The following ASIC2 variants were observed in gnomAD, a reference collection of about 807,000 sequenced individuals.
ASIC2 encodes the protein acid sensing ion channel subunit 2.
A neutral mutation model predicts 57.3 loss-of-function variants in ASIC2; 25 were observed. The ratio of observed to expected loss-of-function variants is 0.44; its 90% CI spans 0.32 to 0.61. ASIC2 has a LOEUF of 0.61. Ranked by LOEUF, ASIC2 falls within the 20% of genes least tolerant of loss-of-function variation. The pLI, the probability that ASIC2 is intolerant of heterozygous loss-of-function variation, is 0.06. For missense variants in ASIC2, 641 were observed against 738.1 expected, an observed-to-expected ratio of 0.87 and a Z score of 1.52; for synonymous variants, 319 against 307.5, an observed-to-expected ratio of 1.04 and a Z score of -0.39.
At chr17:33,091,402 A>G (rs2092157089) in intron 2 of ASIC2, among the ~76,000 whole-genome samples, 1 of 152,142 alleles carries the variant, frequency 6.6e-6, no homozygotes, top group South Asian at 2.1e-4. Context: ...GAGCCGTGGG[A>G]GGGAACAGGA....
intron 1 of ASIC2, among the ~76,000 whole-genome samples, chr17:33,424,984 A>T (rs1478248580): frequency 6.6e-6 from 1 of 152,212 alleles, no homozygotes; most frequent in African/African-American, 2.4e-5. Context: ...GAATAGGGAG[A>T]GGAAATGCAC....
chr17:33,062,840 G>C (rs1026351261), intron 3 of ASIC2, among the ~76,000 whole-genome samples: 6 of 146,080 alleles, frequency 4.1e-5, no homozygotes, highest in Non-Finnish European at 7.7e-5. Context: ...ATGAATCTGG[G>C]TGCTCCTGTA....
chr17:33,646,779 G>C (rs1369476118), intron 1 of ASIC2, among the ~76,000 whole-genome samples: 9 of 152,100 alleles, frequency 5.9e-5, no homozygotes, highest in Non-Finnish European at 1.2e-4. Context: ...GATGCAAGGG[G>C]CAAAAAGAGT....
At chr17:33,758,148 C>G (rs544942745) in intron 1 of ASIC2, among the ~76,000 whole-genome samples, 1 of 152,148 alleles carries the variant, frequency 6.6e-6, no homozygotes, top group East Asian at 1.9e-4. Context: ...GCAATAATAA[C>G]CAAAATTCAT....
intron 1 of ASIC2, among the ~76,000 whole-genome samples, chr17:33,980,575 G>A (rs1905576606): frequency 6.6e-6 from 1 of 152,164 alleles, no homozygotes; most frequent in African/African-American, 2.4e-5. Context: ...ACAGGTTGTG[G>A]TGGATGCTGT....
rs138168925 is a variant in ASIC2, at chr17:33,664,665, T to C, written c.555+491313A>G. Reference sequence around the variant, plus strand: ...GAAGAGTGGGAAAAAGTCCAAGAAATGGACAGTTGATAGAGCAGAGCTCCC... The same window carrying C: ...GAAGAGTGGGAAAAAGTCCAAGAAACGGACAGTTGATAGAGCAGAGCTCCC... On this transcript the variant is annotated intron_variant, in intron 1 of 9. Transcript: ENST00000359872. Among the ~76,000 whole-genome samples, 273 of 152,186 alleles carry C rather than the reference T, an allele frequency of 1.8e-3. 2 individuals are homozygous for C. In the South Asian group the frequency reaches 0.027, roughly 15 times the overall value.
At chr17:33,730,052 G>A (rs1909691413) in intron 1 of ASIC2, among the ~76,000 whole-genome samples, 1 of 152,160 alleles carries the variant, frequency 6.6e-6, no homozygotes, top group Admixed American at 6.5e-5. Flanking sequence ...GGGACATTCG[G>A]TGCTTTCGGG....
At chr17:33,207,209 G>A (rs184821948) in intron 1 of ASIC2, among the ~76,000 whole-genome samples, 100 of 152,332 alleles carry the variant, frequency 6.6e-4, no homozygotes, top group African/African-American at 2.4e-3. Context: ...GAGGACGGAC[G>A]GAAGTGGTGA....
chr17:33,727,268 G>T (rs970200495), intron 1 of ASIC2, among the ~76,000 whole-genome samples: 1 of 152,200 alleles, frequency 6.6e-6, no homozygotes, highest in African/African-American at 2.4e-5. Context: ...AAATTTCTCA[G>T]CCTTGAAGAT....
At chr17:33,964,560 A>G (rs573498706) in intron 1 of ASIC2, among the ~76,000 whole-genome samples, 11 of 152,336 alleles carry the variant, frequency 7.2e-5, no homozygotes, top group African/African-American at 2.4e-4. Flanking sequence ...GACAGGTGAT[A>G]CCACGCTGCA....
chr17:34,093,211 G>C (rs966329361), intron 1 of ASIC2, among the ~76,000 whole-genome samples: 3 of 152,092 alleles, frequency 2.0e-5, no homozygotes, highest in Admixed American at 6.5e-5. Flanking sequence ...AATGCCTTTT[G>C]CCCCATTCCT....
chr17:33,670,513 G>A (rs890700449), intron 1 of ASIC2, among the ~76,000 whole-genome samples: 5 of 152,156 alleles, frequency 3.3e-5, no homozygotes, highest in African/African-American at 4.8e-5. Context: ...CAACGGTGAC[G>A]AAGGCTTCCT....
At chr17:33,467,810 T>G (rs1288213300) in intron 1 of ASIC2, among the ~76,000 whole-genome samples, 2 of 152,186 alleles carry the variant, frequency 1.3e-5, no homozygotes, top group Admixed American at 1.3e-4. Flanking sequence ...CCAATGCACA[T>G]CTTACATATA....
intron 1 of ASIC2, among the ~76,000 whole-genome samples, chr17:33,202,983 G>C (rs1406521342): frequency 6.6e-6 from 1 of 152,162 alleles, no homozygotes; most frequent in Non-Finnish European, 1.5e-5. Flanking sequence ...CACTTCAAAC[G>C]CCAGAGAGAA....
At chr17:33,250,323 G>C (rs1016957992) in intron 1 of ASIC2, among the ~76,000 whole-genome samples, 4 of 152,204 alleles carry the variant, frequency 2.6e-5, no homozygotes, top group African/African-American at 7.2e-5. Context: ...TGGCCAGCCC[G>C]TGGCCCTGGA....
At chr17:33,913,373 A>G (rs1344471301) in intron 1 of ASIC2, among the ~76,000 whole-genome samples, 2 of 152,186 alleles carry the variant, frequency 1.3e-5, no homozygotes, top group African/African-American at 4.8e-5. Context: ...TCCCATGGCA[A>G]TCCCTAAGTT....
intron 1 of ASIC2, among the ~76,000 whole-genome samples, chr17:33,526,629 A>G (rs1243726369): frequency 6.7e-6 from 1 of 148,478 alleles, no homozygotes; most frequent in Non-Finnish European, 1.5e-5. Context: ...CATCAGGGCC[A>G]GGTTGCCTTT....
chr17:33,592,890 T>C (rs927891210), intron 1 of ASIC2, among the ~76,000 whole-genome samples: 2 of 152,224 alleles, frequency 1.3e-5, no homozygotes, highest in Admixed American at 6.5e-5. Flanking sequence ...AGAATCCATC[T>C]CTTCTTTCCA....
chr17:33,463,698 T>A (rs1912718373), intron 1 of ASIC2, among the ~76,000 whole-genome samples: 2 of 152,350 alleles, frequency 1.3e-5, no homozygotes, highest in African/African-American at 2.4e-5. Flanking sequence ...CTCAGACTCC[T>A]GCCCTCCTAT....
Sources: allele counts gnomAD v4.1 joint callset (sites outside exome capture counted in the v4.1 genomes callset), GRCh38; gene constraint gnomAD v4.1.1; transcripts MANE v1.5; gene names NCBI Gene and HGNC (gene_info 2026-07-23, HGNC 2026-07-21).